Variants in DCAF6 observed in about 807,000 individuals in gnomAD.
The protein encoded by DCAF6 is DDB1 and CUL4 associated factor 6.
DCAF6 carries 54 observed loss-of-function variants against 125.1 expected under a neutral mutation model. The observed-to-expected ratio is 0.43, with a 90% confidence interval of 0.35 to 0.54. The LOEUF (loss-of-function observed/expected upper bound fraction) is 0.54, where lower values mean the gene tolerates loss of function less well. DCAF6 is among the 20% of genes least tolerant of loss of function. The probability of loss-of-function intolerance (pLI) is 0.01; values close to 1 mark genes in which losing one functional copy is unlikely to be tolerated. For synonymous variants in DCAF6, 371 were observed against 390.4 expected (o/e 0.95, Z 0.58); for missense variants, 934 against 1,161.7 (o/e 0.80, Z 2.85).
At chr1:167,869,774 G>A in the DCAF6 span, among the ~76,000 whole-genome samples, 2 of 152,012 alleles carry the variant, frequency 1.3e-5, no homozygotes, top group Non-Finnish European at 2.9e-5. Flanking sequence ...CCCTTAAAAG[G>A]GCAGAAGTTG....
At chr1:167,887,010 C>T in the DCAF6 span, among the ~76,000 whole-genome samples, 1 of 152,162 alleles carries the variant, frequency 6.6e-6, no homozygotes, top group Non-Finnish European at 1.5e-5. Context: ...CATCTCACAC[C>T]AGTTAGAATG....
chr1:167,899,431 C>T, the DCAF6 span: 3 of 1,614,238 alleles, frequency 1.9e-6, no homozygotes, highest in South Asian at 1.1e-5. Context: ...ACCTTAACTG[C>T]TCTCTGATCT....
At chr1:167,966,830 T>G in intron 3 of DCAF6, 109 bp downstream of exon 3, 1 of 686,538 alleles carries the variant, frequency 1.5e-6, no homozygotes, top group Non-Finnish European at 2.5e-6. Context: ...TAGAATATCC[T>G]CCCTATTTTG....
chr1:168,062,099 A>G (rs1304536480), intron 17 of DCAF6, among the ~76,000 whole-genome samples: 1 of 152,216 alleles, frequency 6.6e-6, no homozygotes, highest in African/African-American at 2.4e-5. Flanking sequence ...ACAGCCAAGT[A>G]CAACATGGGT....
the DCAF6 span, among the ~76,000 whole-genome samples, chr1:167,890,969 A>C: frequency 6.6e-6 from 1 of 152,010 alleles, no homozygotes; most frequent in Admixed American, 6.6e-5. Flanking sequence ...TTAGTTAGTT[A>C]GTTATTTTTT....
chr1:168,009,446 CTT>C (rs1683940206), intron 10 of DCAF6, among the ~76,000 whole-genome samples: 2 of 86,488 alleles, frequency 2.3e-5, no homozygotes, highest in African/African-American at 1.1e-4. Context: ...CTCTTTCTTT[CTT>C]TCTGTCTCTC....
intron 4 of DCAF6, among the ~76,000 whole-genome samples, chr1:167,979,248 AAGAC>A (rs977080418): frequency 3.3e-5 from 5 of 152,214 alleles, no homozygotes; most frequent in African/African-American, 1.2e-4. Flanking sequence ...AAACAAAAGA[AAGAC>A]CATTTTAACA....
chr1:167,890,683 C>A, the DCAF6 span, among the ~76,000 whole-genome samples: 3 of 152,162 alleles, frequency 2.0e-5, no homozygotes, highest in South Asian at 2.1e-4. Flanking sequence ...TCCACAGATG[C>A]CATCTGGGAG....
At chr1:167,908,460 GA>G in the DCAF6 span, among the ~76,000 whole-genome samples, 1 of 152,098 alleles carries the variant, frequency 6.6e-6, no homozygotes, top group South Asian at 2.1e-4. Context: ...TAGACCCAAT[GA>G]AAAAGTCCTG....
chr1:167,976,886 G>GTTTTTT lies in DCAF6; in HGVS notation c.438+1900_438+1905dup, dbSNP rs397981860. Among the ~76,000 whole-genome samples, 61 of 38,066 alleles carry GTTTTTT rather than the reference G, an allele frequency of 1.6e-3. 6 individuals carry two copies. The highest frequency in any genetic ancestry group is 2.1e-3 in the Non-Finnish European group (40 of 19,418). The allele number at this position is 38,066 out of a possible 152,430, so 25.0% of individuals were successfully genotyped here. ...TGTACTGAAGGTACATCCTTTAGCA[G>GTTTTTT]TTTTTTTTTTTTTTTTTTTTTTTTT... On this transcript the variant is annotated intron_variant, in intron 4 of 21. Coordinates refer to ENST00000367840, the MANE Select transcript of DCAF6 (RefSeq NM_001198956.2).
At chr1:167,887,889 C>G in the DCAF6 span, among the ~76,000 whole-genome samples, 22 of 151,838 alleles carry the variant, frequency 1.4e-4, no homozygotes, top group African/African-American at 5.3e-4. Context: ...CCTTGAGAGT[C>G]TCCCCAATGT....
intron 1 of DCAF6, among the ~76,000 whole-genome samples, chr1:167,948,682 C>A (rs936492300): frequency 4.6e-5 from 7 of 152,092 alleles, no homozygotes; most frequent in Non-Finnish European, 7.4e-5. Context: ...GGTGGAGTCT[C>A]ACTCTGTTGC....
chr1:167,874,781 A>T, the DCAF6 span, among the ~76,000 whole-genome samples: 1 of 152,254 alleles, frequency 6.6e-6, no homozygotes, highest in African/African-American at 2.4e-5. Context: ...CTACATAGTA[A>T]TGACATAGAA....
intron 5 of DCAF6, among the ~76,000 whole-genome samples, chr1:167,990,377 A>C (rs761911088): frequency 6.6e-6 from 1 of 152,174 alleles, no homozygotes; most frequent in South Asian, 2.1e-4. Context: ...AGAAAAAAAA[A>C]TATGAATACT....
At chr1:167,956,557 T>C (rs1674821048) in intron 2 of DCAF6, among the ~76,000 whole-genome samples, 1 of 152,150 alleles carries the variant, frequency 6.6e-6, no homozygotes, top group Non-Finnish European at 1.5e-5. Context: ...TTCTATTTCA[T>C]TGATTTCTGC....
At chr1:168,050,081 G>A (rs1385312671) in intron 16 of DCAF6, among the ~76,000 whole-genome samples, 5 of 142,744 alleles carry the variant, frequency 3.5e-5, no homozygotes, top group Admixed American at 1.4e-4. Flanking sequence ...AAAAAAACAA[G>A]CATCTAAGAA....
the DCAF6 span, among the ~76,000 whole-genome samples, chr1:167,887,973 G>A: frequency 6.6e-6 from 1 of 152,076 alleles, no homozygotes; most frequent in African/African-American, 2.4e-5. Context: ...GCAAGAGATA[G>A]GAGTCTAGTT....
At chr1:167,893,042 G>C in the DCAF6 span, among the ~76,000 whole-genome samples, 4 of 152,178 alleles carry the variant, frequency 2.6e-5, no homozygotes, top group African/African-American at 9.7e-5. Context: ...AGTGATAAGA[G>C]ATAGTTATAA....
intron 10 of DCAF6, among the ~76,000 whole-genome samples, chr1:168,014,995 A>C (rs182102592): frequency 6.6e-6 from 1 of 152,318 alleles, no homozygotes; most frequent in East Asian, 1.9e-4. Flanking sequence ...ACATATGTTC[A>C]ACATCATGTG....
Sources: allele counts gnomAD v4.1 joint callset (sites outside exome capture counted in the v4.1 genomes callset), GRCh38; gene constraint gnomAD v4.1.1; transcripts MANE v1.5; gene names NCBI Gene and HGNC (gene_info 2026-07-23, HGNC 2026-07-21).